Variants in CELF2 observed in about 807,000 individuals in gnomAD.
CELF2 encodes CUG triplet repeat RNA-binding protein 2.
Under a neutral mutation model 62.6 loss-of-function variants are expected in CELF2, and 8 were observed. The ratio of observed to expected loss-of-function variants is 0.13; its 90% CI spans 0.07 to 0.23. The LOEUF (loss-of-function observed/expected upper bound fraction) is 0.23, where lower values mean the gene tolerates loss of function less well. Ranked by LOEUF, CELF2 falls within the 10% of genes least tolerant of loss-of-function variation. The probability of loss-of-function intolerance (pLI) is 1.00; values close to 1 mark genes in which losing one functional copy is unlikely to be tolerated. For synonymous variants in CELF2, 258 were observed against 250.0 expected (o/e 1.03, Z -0.30); for missense variants, 333 against 671.0 (o/e 0.50, Z 5.56).
At chr10:10,851,479 A>G (rs2132807149) in intron 1 of CELF2, among the ~76,000 whole-genome samples, 1 of 152,280 alleles carries the variant, frequency 6.6e-6, no homozygotes, top group South Asian at 2.1e-4. Flanking sequence ...ACTTAAAACT[A>G]TAAAACTTCT....
chr10:11,087,225 A>G (rs1025216992), intron 1 of CELF2, among the ~76,000 whole-genome samples: 2 of 152,216 alleles, frequency 1.3e-5, no homozygotes, highest in Non-Finnish European at 2.9e-5. Context: ...TGCTCTTCAT[A>G]TACCGGCTCC....
chr10:11,221,815 A>G (rs1214945917), intron 3 of CELF2, among the ~76,000 whole-genome samples: 2 of 152,244 alleles, frequency 1.3e-5, no homozygotes, highest in African/African-American at 4.8e-5. Context: ...TGCAGTTTAT[A>G]TTAAGGAGTT....
rs1385196291 is a variant in CELF2, at chr10:11,227,580, C to G, written c.354+10073C>G. 6.6e-6 allele frequency among the ~76,000 whole-genome samples: 1 copy of G among 152,198 alleles called. No individual in the cohort carries two copies. Among genetic ancestry groups the G allele is most frequent in the Non-Finnish European group, 1.5e-5 (1 of 68,032 alleles). On this transcript the variant is annotated intron_variant, in intron 3 of 12. Coordinates refer to ENST00000633077, the MANE Select transcript of CELF2 (RefSeq NM_001326342.2). This position sits in a 1 kb window ranked among gnomAD's most constrained non-coding sequence, Gnocchi z 4.8. ...CAGTTCTGGGTTGGCTCTGTCTAGC[C>G]ATCACATTGTGGTTTTTGCTGTTAT...
At chr10:11,148,590 C>T (rs1596172379) in intron 1 of CELF2, among the ~76,000 whole-genome samples, 1 of 152,200 alleles carries the variant, frequency 6.6e-6, no homozygotes, top group African/African-American at 2.4e-5. Flanking sequence ...GTCACGATAG[C>T]ATTGTGTCCT....
At chr10:10,964,866 C>T (rs116371572) in intron 2 of CELF2, among the ~76,000 whole-genome samples, 421 of 152,146 alleles carry the variant, frequency 2.8e-3, no homozygotes, top group African/African-American at 9.6e-3. Flanking sequence ...CACGATCTTA[C>T]GGTGCCAGTT....
intron 1 of CELF2, among the ~76,000 whole-genome samples, chr10:10,884,470 AT>A (rs2061629780): frequency 1.3e-5 from 2 of 152,222 alleles, no homozygotes; most frequent in Non-Finnish European, 2.9e-5. Flanking sequence ...AACGTGAATG[AT>A]GCTGCACTCC....
rs542814448 is a variant in CELF2 at position 11,288,989 on chromosome 10, G to C, written c.976+437G>C. On this transcript the variant is annotated intron_variant, in intron 9 of 12. Coordinates refer to ENST00000633077, the MANE Select transcript of CELF2 (RefSeq NM_001326342.2). ...CACAGCAACTCCATCCATCACATTTGATTTTAAAATCCACGGTCCAGTAAG... is the reference window on the plus strand; with the variant it reads ...CACAGCAACTCCATCCATCACATTTCATTTTAAAATCCACGGTCCAGTAAG... Among the ~76,000 whole-genome samples the C allele has an allele frequency of 3.9e-5, 6 of 152,248 alleles. No individual in the cohort carries two copies. The East Asian group carries it at 1.2e-3, about 29-fold the overall frequency.
intron 9 of CELF2, among the ~76,000 whole-genome samples, chr10:11,288,837 CTAGT>C (rs1232247853): frequency 1.3e-5 from 2 of 152,222 alleles, no homozygotes; most frequent in Non-Finnish European, 2.9e-5. Flanking sequence ...CCATTCAACA[CTAGT>C]TAAGTTGTTA....
chr10:10,468,147 T>C, the CELF2 span, among the ~76,000 whole-genome samples: 1,404 of 152,154 alleles, frequency 9.2e-3, 20 homozygotes, highest in African/African-American at 0.032. Flanking sequence ...TGTCCTTGTT[T>C]GAGAGGAATG....
the CELF2 span, among the ~76,000 whole-genome samples, chr10:10,678,845 T>A: frequency 1.3e-5 from 2 of 152,208 alleles, no homozygotes; most frequent in African/African-American, 4.8e-5. Flanking sequence ...TTCGAAGTCA[T>A]TTAACCTGCA....
the CELF2 span, among the ~76,000 whole-genome samples, chr10:10,741,864 C>T: frequency 4.3e-4 from 65 of 152,174 alleles, no homozygotes; most frequent in Middle Eastern, 3.4e-3. Context: ...TTTTATAATC[C>T]ATTTGGTGGT....
chr10:10,632,090 T>C, the CELF2 span, among the ~76,000 whole-genome samples: 1 of 152,170 alleles, frequency 6.6e-6, no homozygotes, highest in Non-Finnish European at 1.5e-5. Flanking sequence ...CCCATCCTCA[T>C]CCCAAGCCTC....
At chr10:10,783,183 T>G in the CELF2 span, among the ~76,000 whole-genome samples, 366 of 152,296 alleles carry the variant, frequency 2.4e-3, 2 homozygotes, top group African/African-American at 8.4e-3. Context: ...AAGATGATAT[T>G]GAAGTCCTAA....
chr10:10,800,676 G>A (rs2181444), intron 1 of CELF2, among the ~76,000 whole-genome samples: 107,949 of 152,058 alleles, frequency 0.71, 38,568 homozygotes, highest in East Asian at 0.79. Context: ...TTGTGTACCT[G>A]GCTTTTTACT....
chr10:11,327,292 T>TAAAC (rs1266289281), intron 12 of CELF2, among the ~76,000 whole-genome samples: 3 of 152,210 alleles, frequency 2.0e-5, no homozygotes, highest in African/African-American at 7.2e-5. Context: ...TTTTCGTAGC[T>TAAAC]AAACAATATT....
intron 1 of CELF2, among the ~76,000 whole-genome samples, chr10:10,914,585 A>G (rs530583398): frequency 6.6e-6 from 1 of 152,208 alleles, no homozygotes; most frequent in East Asian, 1.9e-4. Flanking sequence ...TTTATGCTGC[A>G]ACTTCAAATT....
rs565844653 is a variant in CELF2 at position 11,073,298 on chromosome 10, A to G, written c.74+55135A>G. On this transcript the variant is annotated intron_variant, in intron 1 of 12. Transcript: ENST00000633077. ...TTTCTCTAGGAAGGCTTTTTATTAT[A>G]TTTTGGTGGCACTTAAGCCCTCCAG... 2.6e-5 allele frequency among the ~76,000 whole-genome samples: 4 copies of G among 152,222 alleles called. No individual in the cohort carries two copies. The South Asian group carries it at 6.2e-4, about 24-fold the overall frequency.
intron 2 of CELF2, among the ~76,000 whole-genome samples, chr10:10,969,332 G>A (rs2050502414): frequency 6.6e-6 from 1 of 152,184 alleles, no homozygotes; most frequent in Non-Finnish European, 1.5e-5. Flanking sequence ...CAGGTTGGGG[G>A]TAGGCATTAA....
chr10:11,168,843 A>C (rs535357823), intron 2 of CELF2: 1 of 152,146 alleles, frequency 6.6e-6, no homozygotes, highest in Non-Finnish European at 1.5e-5. Flanking sequence ...CTATATTCTC[A>C]CTGTAGGGGC....
Sources: gnomAD v4.1 joint callset for allele counts (sites outside exome capture counted in the v4.1 genomes callset) on GRCh38, gnomAD v4.1.1 for gene constraint, Gnocchi (gnomAD v3.1) non-coding constraint, MANE v1.5 for transcripts, NCBI Gene and HGNC (gene_info 2026-07-23, HGNC 2026-07-21) for gene names.